The following EPHB1 variants were observed in gnomAD, a reference collection of about 807,000 sequenced individuals.
EPHB1 encodes ephrin type-B receptor 1.
EPHB1 carries 30 observed loss-of-function variants against 94.4 expected under a neutral mutation model. That is an observed-to-expected ratio of 0.32 (90% CI 0.24 to 0.43). The LOEUF (loss-of-function observed/expected upper bound fraction) is 0.43, where lower values mean the gene tolerates loss of function less well. EPHB1 is among the 20% of genes least tolerant of loss of function. EPHB1 has a pLI of 1.00. For synonymous variants in EPHB1, 522 were observed against 489.1 expected (o/e 1.07, Z -0.89); for missense variants, 1,055 against 1,308.3 (o/e 0.81, Z 2.99).
At chr3:135,198,103 G>A (rs1022626239) in intron 11 of EPHB1, among the ~76,000 whole-genome samples, 1 of 152,162 alleles carries the variant, frequency 6.6e-6, no homozygotes, top group Non-Finnish European at 1.5e-5. Context: ...AGAAGACCCA[G>A]ATAAGAGTAG....
intron 4 of EPHB1, 63 bp from the exon 5 acceptor site, chr3:135,132,651 A>G: frequency 7.0e-7 from 1 of 1,435,226 alleles, no homozygotes. Context: ...GAGGCAGACA[A>G]GAGAGCTGCC....
At chr3:134,908,234 G>A (rs1345499790) in intron 1 of EPHB1, among the ~76,000 whole-genome samples, 2 of 152,210 alleles carry the variant, frequency 1.3e-5, no homozygotes, top group Non-Finnish European at 2.9e-5. Context: ...TGCATCTAGA[G>A]GCTTCAGTGT....
At chr3:135,182,394 C>T (rs571984483) in intron 10 of EPHB1, among the ~76,000 whole-genome samples, 3 of 152,182 alleles carry the variant, frequency 2.0e-5, no homozygotes, top group African/African-American at 7.2e-5. Flanking sequence ...TTTCTCTCTC[C>T]CTCCCTACTT....
At chr3:135,053,961 T>C (rs1387528829) in intron 3 of EPHB1, among the ~76,000 whole-genome samples, 1 of 151,824 alleles carries the variant, frequency 6.6e-6, no homozygotes, top group Non-Finnish European at 1.5e-5. Flanking sequence ...CACTGCACTC[T>C]AGCTTGGGTG....
intron 3 of EPHB1, among the ~76,000 whole-genome samples, chr3:135,068,576 A>G (rs922460771): frequency 1.3e-5 from 2 of 150,836 alleles, no homozygotes; most frequent in Non-Finnish European, 3.0e-5. Flanking sequence ...TGATTTACAT[A>G]TATTTTCTAC....
intron 13 of EPHB1, among the ~76,000 whole-genome samples, chr3:135,242,535 CT>C (rs1943812113): frequency 6.6e-6 from 1 of 152,144 alleles, no homozygotes; most frequent in Non-Finnish European, 1.5e-5. Context: ...ACAGTACTCC[CT>C]GTTGCTATGG....
chr3:135,101,386 T>C (rs1176005075), intron 3 of EPHB1, among the ~76,000 whole-genome samples: 1 of 151,962 alleles, frequency 6.6e-6, no homozygotes, highest in African/African-American at 2.4e-5. Flanking sequence ...ACTTTTTTTT[T>C]TTAATGCGAC....
intron 12 of EPHB1, among the ~76,000 whole-genome samples, chr3:135,202,392 C>T (rs907894690): frequency 2.0e-5 from 3 of 152,208 alleles, no homozygotes; most frequent in East Asian, 3.9e-4. Flanking sequence ...CTTTCTGTGT[C>T]CATTTATTTT....
At chr3:134,970,131 T>G (rs1933910062) in intron 3 of EPHB1, among the ~76,000 whole-genome samples, 3 of 152,232 alleles carry the variant, frequency 2.0e-5, no homozygotes, top group Admixed American at 6.5e-5. Flanking sequence ...AGTTAATCCA[T>G]ATGTTCAAGT....
chr3:135,045,851 T>C (rs1936982617), intron 3 of EPHB1, among the ~76,000 whole-genome samples: 1 of 152,248 alleles, frequency 6.6e-6, no homozygotes, highest in Admixed American at 6.5e-5. Context: ...TGCAAAACTT[T>C]CATTGACTAG....
chr3:134,881,421 C>T (rs955318187), intron 1 of EPHB1, among the ~76,000 whole-genome samples: 1 of 152,182 alleles, frequency 6.6e-6, no homozygotes, highest in East Asian at 1.9e-4. Flanking sequence ...AATGCAGACC[C>T]CAGGCTGACT....
chr3:135,217,940 TCTGTCCAGTGACC>T (rs1418621517), intron 12 of EPHB1, among the ~76,000 whole-genome samples: 3 of 152,200 alleles, frequency 2.0e-5, no homozygotes, highest in Non-Finnish European at 4.4e-5. Context: ...TTACTGGCTT[TCTGTCCAGTGACC>T]CCAGGTCCAG....
At chr3:135,177,851 C>G (rs979163206) in intron 9 of EPHB1, among the ~76,000 whole-genome samples, 3 of 152,162 alleles carry the variant, frequency 2.0e-5, no homozygotes, top group African/African-American at 7.2e-5. Flanking sequence ...TATAACAAGT[C>G]AAAAAGGACT....
chr3:134,964,494 T>G (rs1215054140), intron 3 of EPHB1, among the ~76,000 whole-genome samples: 2 of 152,262 alleles, frequency 1.3e-5, no homozygotes, highest in African/African-American at 4.8e-5. Context: ...ATCTGCTCTT[T>G]GCACAAGATG....
At chr3:134,986,335 C>A (rs1274228117) in intron 3 of EPHB1, among the ~76,000 whole-genome samples, 1 of 152,174 alleles carries the variant, frequency 6.6e-6, no homozygotes. Flanking sequence ...GAGATGGTTC[C>A]TTTTAAGTCA....
At chr3:135,129,857 G>A (rs1940357896) in intron 4 of EPHB1, among the ~76,000 whole-genome samples, 1 of 151,996 alleles carries the variant, frequency 6.6e-6, no homozygotes, top group African/African-American at 2.4e-5. Context: ...ATTGTGTAGA[G>A]GCTCAGAGAT....
rs558175183 is a variant in EPHB1 at position 134,936,235 on chromosome 3, C to T, written c.123+10355C>T. 2.6e-5 allele frequency among the ~76,000 whole-genome samples: 4 copies of T among 152,236 alleles called. No homozygotes were observed. In the East Asian group the frequency reaches 7.7e-4, roughly 29 times the overall value. On this transcript the variant is annotated intron_variant, in intron 2 of 15. Coordinates refer to ENST00000398015, the MANE Select transcript of EPHB1 (RefSeq NM_004441.5). ...ACCAGTGAGTTGTGCACGTGATAAGCACCTGATAAATCATTGTTTAAAGCA... is the reference window on the plus strand; with the variant it reads ...ACCAGTGAGTTGTGCACGTGATAAGTACCTGATAAATCATTGTTTAAAGCA...
In EPHB1 at chr3:135,218,563, A is replaced by C. The variant is rs528229885; in HGVS notation, c.2346+16874A>C. 3.3e-5 allele frequency among the ~76,000 whole-genome samples: 5 copies of C among 152,364 alleles called. No individual in the cohort carries two copies. In the South Asian group the frequency reaches 1.0e-3, roughly 32 times the overall value. ...CACATCTCTCCATTCTGGGCCCCAC[A>C]GGGGTGTGATATGCAAAGCCCTCTT... is the stretch of plus-strand genomic sequence containing the variant. On this transcript the variant is annotated intron_variant, in intron 12 of 15. Transcript: ENST00000398015.
At chr3:135,217,038 G>A (rs1012860882) in intron 12 of EPHB1, among the ~76,000 whole-genome samples, 1 of 152,166 alleles carries the variant, frequency 6.6e-6, no homozygotes, top group South Asian at 2.1e-4. Context: ...GTCTTTCAAA[G>A]AGGGGATCCA....
Sources: gnomAD v4.1 joint callset for allele counts (sites outside exome capture counted in the v4.1 genomes callset) on GRCh38, gnomAD v4.1.1 for gene constraint, MANE v1.5 for transcripts, NCBI Gene and HGNC (gene_info 2026-07-23, HGNC 2026-07-21) for gene names.